KCND2: variants seen among roughly 807,000 people sequenced by gnomAD.
KCND2 encodes the protein potassium voltage-gated channel subfamily D member 2.
A neutral mutation model predicts 54.4 loss-of-function variants in KCND2; 16 were observed. That is an observed-to-expected ratio of 0.29 (90% CI 0.20 to 0.45). KCND2 has a LOEUF of 0.45. Among genes scored for constraint, KCND2 ranks in the 20% least tolerant of loss-of-function variants. KCND2 has a pLI of 1.00. For missense variants in KCND2, 486 were observed against 824.2 expected, an observed-to-expected ratio of 0.59 and a Z score of 5.02; for synonymous variants, 317 against 310.7, an observed-to-expected ratio of 1.02 and a Z score of -0.21.
chr7:120,352,610 A>T (rs1202625566), intron 1 of KCND2, among the ~76,000 whole-genome samples: 1 of 152,108 alleles, frequency 6.6e-6, no homozygotes, highest in African/African-American at 2.4e-5. Context: ...AGTCCTTAGA[A>T]GAAATGTGTT....
intron 1 of KCND2, among the ~76,000 whole-genome samples, chr7:120,689,228 G>A (rs968476975): frequency 9.9e-5 from 15 of 151,910 alleles, no homozygotes; most frequent in Non-Finnish European, 1.8e-4. Flanking sequence ...ATGCAACATA[G>A]GACACAAAAT....
chr7:120,604,027 A>G (rs971115589), intron 1 of KCND2, among the ~76,000 whole-genome samples: 3 of 152,142 alleles, frequency 2.0e-5, no homozygotes, highest in African/African-American at 7.2e-5. Context: ...TTCCTTAGCT[A>G]TAAAATGGGA....
chr7:120,572,395 C>G (rs1376461147), intron 1 of KCND2, among the ~76,000 whole-genome samples: 1 of 152,108 alleles, frequency 6.6e-6, no homozygotes, highest in Non-Finnish European at 1.5e-5. Context: ...GGTTTCTACA[C>G]AGATTATTTT....
chr7:120,547,680 A>C (rs1277621790), intron 1 of KCND2, among the ~76,000 whole-genome samples: 4 of 152,040 alleles, frequency 2.6e-5, no homozygotes, highest in Non-Finnish European at 5.9e-5. Flanking sequence ...AAATAACTCT[A>C]GGCAACTAAG....
At chr7:120,424,005 G>A (rs1036977574) in intron 1 of KCND2, among the ~76,000 whole-genome samples, 2 of 152,166 alleles carry the variant, frequency 1.3e-5, no homozygotes, top group African/African-American at 4.8e-5. Flanking sequence ...CTTCTAAAGG[G>A]ATAAAAACAT....
At chr7:120,478,001 A>G (rs866809382) in intron 1 of KCND2, among the ~76,000 whole-genome samples, 6 of 152,174 alleles carry the variant, frequency 3.9e-5, no homozygotes, top group Admixed American at 1.3e-4. Context: ...GATTCTATCC[A>G]TTATATTTGA....
chr7:120,345,730 G>T (rs200661828), intron 1 of KCND2, among the ~76,000 whole-genome samples: 35 of 122,884 alleles, frequency 2.8e-4, no homozygotes, highest in African/African-American at 1.0e-3. Flanking sequence ...TATACATTTT[G>T]TTTATACATT....
At chr7:120,726,444 A>G (rs145392124) in intron 1 of KCND2, among the ~76,000 whole-genome samples, 6 of 152,294 alleles carry the variant, frequency 3.9e-5, no homozygotes, top group African/African-American at 1.4e-4. Flanking sequence ...AATAACATAG[A>G]TACTCAGACC....
rs938057473 is a variant in KCND2 at position 120,566,739 on chromosome 7, A to AAT, written c.1116-166155_1116-166154dup. On this transcript the variant is annotated intron_variant, in intron 1 of 5. Transcript: ENST00000331113. ...TGGCATGACAGAAATACAGATATGT[A>AAT]ATATATATATTGTATATATTATTAT... 8.3e-5 allele frequency among the ~76,000 whole-genome samples: 9 copies of AAT among 108,434 alleles called. No individual in the cohort carries two copies. The East Asian group carries it at 8.5e-4, about 10-fold the overall frequency. 71.1% of individuals were successfully genotyped at this position (108,434 alleles called of 152,430 possible).
rs140774409 is a variant in KCND2, at chr7:120,706,155, C to T, written c.1116-26748C>T. Among the ~76,000 whole-genome samples the T allele has an allele frequency of 5.3e-5, 8 of 152,202 alleles. No homozygotes were observed. In the East Asian group the frequency reaches 1.5e-3, roughly 29 times the overall value. On this transcript the variant is annotated intron_variant, in intron 1 of 5. Transcript: ENST00000331113. ...AAAAGGTCACACAAAATGCTTGTTACCCCCATAATACTAATTTTCTGACAA... is the reference window on the plus strand; with the variant it reads ...AAAAGGTCACACAAAATGCTTGTTATCCCCATAATACTAATTTTCTGACAA...
intron 1 of KCND2, among the ~76,000 whole-genome samples, chr7:120,365,784 A>G (rs1396613604): frequency 6.6e-6 from 1 of 152,150 alleles, no homozygotes; most frequent in Non-Finnish European, 1.5e-5. Flanking sequence ...ACATGTTCTA[A>G]ATAGAAGCTC....
intron 1 of KCND2, among the ~76,000 whole-genome samples, chr7:120,667,356 C>T (rs2116568113): frequency 6.6e-6 from 1 of 152,148 alleles, no homozygotes; most frequent in Middle Eastern, 3.4e-3. Flanking sequence ...TACACAGCTT[C>T]AAAGTGGTCT....
At chr7:120,602,425 G>T (rs556741112) in intron 1 of KCND2, among the ~76,000 whole-genome samples, 4 of 152,150 alleles carry the variant, frequency 2.6e-5, no homozygotes, top group African/African-American at 9.6e-5. Flanking sequence ...TATTCAATAT[G>T]CCTGGACAGA....
At chr7:120,282,067 C>T (rs1799272450) in intron 1 of KCND2, among the ~76,000 whole-genome samples, 1 of 152,118 alleles carries the variant, frequency 6.6e-6, no homozygotes, top group African/African-American at 2.4e-5. Flanking sequence ...AGTTTGATTT[C>T]TGGTGAAGTC....
chr7:120,330,581 C>CAAAAAA lies in KCND2; in HGVS notation c.1115+54855_1115+54860dup, dbSNP rs3067024. ...GGGTGACAAGAGCAAAACTCTGTCT[C>CAAAAAA]AAAAAAAAAAAAAAAAAAAAAAAAA... On this transcript the variant is annotated intron_variant, in intron 1 of 5. Coordinates refer to ENST00000331113, the MANE Select transcript of KCND2 (RefSeq NM_012281.3). Among the ~76,000 whole-genome samples, 5 of 48,388 alleles carry CAAAAAA rather than the reference C, an allele frequency of 1.0e-4. 1 individual carries two copies. Among genetic ancestry groups the CAAAAAA allele is most frequent in the African/African-American group, 3.0e-4 (3 of 9,908 alleles). 31.7% of individuals were successfully genotyped at this position (48,388 alleles called of 152,430 possible). A position where few individuals can be genotyped will look rare whatever the true frequency, so the allele number is the denominator to read the frequency against.
At chr7:120,581,871 C>G (rs1792519941) in intron 1 of KCND2, among the ~76,000 whole-genome samples, 1 of 151,982 alleles carries the variant, frequency 6.6e-6, no homozygotes, top group Non-Finnish European at 1.5e-5. Context: ...ACCACCAAAC[C>G]CAGCTAATTT....
intron 1 of KCND2, among the ~76,000 whole-genome samples, chr7:120,522,182 T>G (rs1226790072): frequency 6.6e-6 from 1 of 152,176 alleles, no homozygotes; most frequent in Non-Finnish European, 1.5e-5. Flanking sequence ...CCTTTTGTCC[T>G]CATCCTGTTG....
chr7:120,315,578 T>A (rs1178580408), intron 1 of KCND2, among the ~76,000 whole-genome samples: 1 of 152,286 alleles, frequency 6.6e-6, no homozygotes, highest in East Asian at 1.9e-4. Flanking sequence ...ACGTAGTGCC[T>A]ATGAAATTTT....
At chr7:120,644,801 T>G (rs1793418336) in intron 1 of KCND2, among the ~76,000 whole-genome samples, 1 of 152,264 alleles carries the variant, frequency 6.6e-6, no homozygotes, top group African/African-American at 2.4e-5. Flanking sequence ...ATTATTTGTG[T>G]GTCTAGTATT....
Sources: allele counts gnomAD v4.1 joint callset (sites outside exome capture counted in the v4.1 genomes callset), GRCh38; gene constraint gnomAD v4.1.1; transcripts MANE v1.5; gene names NCBI Gene and HGNC (gene_info 2026-07-23, HGNC 2026-07-21).